The following SPARC variants were observed in gnomAD, a reference collection of about 807,000 sequenced individuals.
SPARC encodes the protein secreted protein acidic and cysteine rich.
In SPARC, 23 loss-of-function variants were observed where a neutral mutation model predicts 37.7. That is an observed-to-expected ratio of 0.61 (90% confidence interval 0.44 to 0.87). The LOEUF is 0.87. Ranked by LOEUF, SPARC falls within the 40% of genes least tolerant of loss-of-function variation. The pLI is 0.00. For missense variants in SPARC, 312 were observed against 389.0 expected (o/e 0.80, Z 1.66); for synonymous variants, 155 against 150.8 (o/e 1.03, Z -0.20).
At chr5:151,685,420 T>TCACACACA (rs368789187) in intron 1 of SPARC, among the ~76,000 whole-genome samples, 1,346 of 107,134 alleles carry the variant, frequency 0.013, 33 homozygotes, top group Admixed American at 0.085. Flanking sequence ...TCCCTCTCTC[T>TCACACACA]CTCACACACA....
chr5:151,670,421 A>G (rs539725390), intron 5 of SPARC, among the ~76,000 whole-genome samples: 1 of 152,346 alleles, frequency 6.6e-6, no homozygotes, highest in South Asian at 2.1e-4. Flanking sequence ...CTGGAAAGAA[A>G]CATCACTCAC....
chr5:151,663,714 G>T (rs538923577), intron 9 of SPARC, 115 bp from the exon 10 acceptor site: 71 of 982,784 alleles, frequency 7.2e-5, no homozygotes, highest in Non-Finnish European at 9.5e-5. Flanking sequence ...AGGTGGCCAT[G>T]CAAGGTCACC....
At chr5:151,677,518 A>G (rs903090252) in intron 1 of SPARC, among the ~76,000 whole-genome samples, 18 of 152,196 alleles carry the variant, frequency 1.2e-4, no homozygotes, top group African/African-American at 4.1e-4. Flanking sequence ...ATTAAATGCC[A>G]GGGGGTCTTG....
chr5:151,674,348 T>A (rs1037305394), intron 3 of SPARC, among the ~76,000 whole-genome samples: 1 of 152,094 alleles, frequency 6.6e-6, no homozygotes, highest in Non-Finnish European at 1.5e-5. Flanking sequence ...CTGTGGGTAA[T>A]CATGGAAGAA....
At chr5:151,667,344 TG>T in intron 7 of SPARC, 122 bp downstream of exon 7, 1 of 1,061,652 alleles carries the variant, frequency 9.4e-7, no homozygotes, top group South Asian at 1.4e-5. Context: ...GTACGTGTCC[TG>T]GTGCTCAGGG....
In SPARC at chr5:151,669,773, A is replaced by C; in HGVS notation, c.342T>G (p.Asn114Lys). The C allele has an allele frequency of 6.2e-7, 1 of 1,614,186 alleles. No individual in the cohort carries two copies. The highest frequency in any genetic ancestry group is 1.1e-5 in the South Asian group (1 of 91,088). The change falls in exon 6 of 10, where the codon AAT becomes AAG. Residue 114 changes from asparagine (N) to lysine (K), a missense_variant. Physicochemically the swap from Asn to Lys is moderately conservative, Grantham distance 94 (BLOSUM62 0). Transcript: ENST00000231061. ...PIGEFEKVCS[N>K]DNKTFDSSCH... ...AGGAAGAGTCGAAGGTCTTGTTGTC[A>C]TTGCTGCACACCTGTTGGCAAAGCA...
Position 151,666,777 on chromosome 5 carries a change from C to T in SPARC, c.586-268G>A, listed in dbSNP as rs6892840. Among the ~76,000 whole-genome samples, 13,673 of 152,300 alleles carry T rather than the reference C, an allele frequency of 0.09. 693 individuals are homozygous for T. The highest frequency in any genetic ancestry group is 0.14 in the South Asian group (674 of 4,828). On this transcript the variant is annotated intron_variant, in intron 7 of 9. Transcript: ENST00000231061. ...CACACACTCACACCTGTAATCCCAG[C>T]GCTTTGGGAGGCTGAGGCAGGCAGA...
Position 151,676,779 on chromosome 5 carries a change from G to A in SPARC, c.-13-578C>T, listed in dbSNP as rs547937296. 9.2e-5 allele frequency among the ~76,000 whole-genome samples: 14 copies of A among 151,906 alleles called. No individual in the cohort carries two copies. The East Asian group carries it at 9.7e-4, about 10-fold the overall frequency. On this transcript the variant is annotated intron_variant, in intron 1 of 9. Coordinates refer to ENST00000231061, the MANE Select transcript of SPARC (RefSeq NM_003118.4). ...CAATCTCTCCTCTTCCTCCTCTGTC[G>A]CCTCCTCCCCCTCCTTCCTACTCCC...
intron 4 of SPARC, chr5:151,671,919 G>A (rs572581611): frequency 7.6e-6 from 4 of 524,698 alleles, no homozygotes; most frequent in African/African-American, 6.1e-5. Context: ...ATAGAGGTCA[G>A]GCACTTCTGG....
intron 6 of SPARC, 154 bp from the exon 7 acceptor site, chr5:151,667,754 AGAG>A: frequency 1.3e-6 from 1 of 772,960 alleles, no homozygotes; most frequent in Non-Finnish European, 2.1e-6. Context: ...GACAATGAGC[AGAG>A]GAGATTATGT....
chr5:151,669,845 A>G, intron 5 of SPARC, 61 bp from the exon 6 acceptor site: 2 of 1,592,156 alleles, frequency 1.3e-6, no homozygotes. Context: ...TGATACCAAT[A>G]TCCTTGTCCA....
At chr5:151,673,966 CTGTGTGTGTGTGTGTGTGTG>C (rs3138755) in intron 3 of SPARC, among the ~76,000 whole-genome samples, 1 of 141,754 alleles carries the variant, frequency 7.1e-6, no homozygotes, top group African/African-American at 2.6e-5. Context: ...CCCCTTTCCT[CTGTGTGTGTGTGTGTGTGTG>C]TGTGTGTGTG....
chr5:151,673,339 A>C, intron 3 of SPARC, 123 bp from the exon 4 acceptor site: 1 of 740,806 alleles, frequency 1.3e-6, no homozygotes, highest in Non-Finnish European at 2.5e-6. Flanking sequence ...GATTTAATCT[A>C]TAGGCCTGCT....
intron 7 of SPARC, 133 bp from the exon 8 acceptor site, chr5:151,666,642 G>C (rs1760629997): frequency 6.9e-6 from 5 of 727,392 alleles, no homozygotes; most frequent in Non-Finnish European, 1.1e-5. Flanking sequence ...AGGGGAGGGA[G>C]GTGTCATAGA....
intron 1 of SPARC, among the ~76,000 whole-genome samples, chr5:151,681,875 A>C (rs1189511200): frequency 6.6e-6 from 1 of 152,234 alleles, no homozygotes; most frequent in Non-Finnish European, 1.5e-5. Context: ...CCTGGGCAAC[A>C]AGAGTGAAAC....
intron 2 of SPARC, 53 bp downstream of exon 2, chr5:151,676,079 C>A: frequency 6.7e-7 from 1 of 1,492,178 alleles, no homozygotes; most frequent in South Asian, 1.2e-5. Context: ...CTCAGAACCC[C>A]TGGTGCTAGC....
chr5:151,677,059 G>A (rs1194178337), intron 1 of SPARC: 1 of 152,154 alleles, frequency 6.6e-6, no homozygotes, highest in African/African-American at 2.4e-5. Flanking sequence ...TAACTGTTAA[G>A]GCCTCATTCT....
In SPARC at chr5:151,661,248, A is replaced by C. The variant is rs151229565; in HGVS notation, c.*2323T>G. 6.6e-6 allele frequency: 1 copy of C among 152,344 alleles called. No individual in the cohort carries two copies. Among genetic ancestry groups the C allele is most frequent in the East Asian group, 1.9e-4 (1 of 5,190 alleles). The allele number at this position is 152,344 out of a possible 1,614,324, so 9.4% of individuals were successfully genotyped here. A position where few individuals can be genotyped will look rare whatever the true frequency, so the allele number is the denominator to read the frequency against. Reference sequence around the variant, plus strand: ...CTGCCTACTCATAAGATCCCCTAACACATTGCAGGTACCTGATGAATGTCG... The same window carrying C: ...CTGCCTACTCATAAGATCCCCTAACCCATTGCAGGTACCTGATGAATGTCG... On this transcript the variant is annotated 3_prime_UTR_variant, in exon 10 of 10. Coordinates refer to ENST00000231061, the MANE Select transcript of SPARC (RefSeq NM_003118.4).
intron 5 of SPARC, among the ~76,000 whole-genome samples, chr5:151,671,059 A>T (rs985029451): frequency 6.6e-6 from 1 of 152,228 alleles, no homozygotes; most frequent in Non-Finnish European, 1.5e-5. Context: ...TATTTGAGAG[A>T]TAATTTAAAA....
Sources: gnomAD v4.1 joint callset for allele counts (sites outside exome capture counted in the v4.1 genomes callset) on GRCh38, gnomAD v4.1.1 for gene constraint, MANE v1.5 for transcripts, NCBI Gene and HGNC (gene_info 2026-07-23, HGNC 2026-07-21) for gene names.